Variants in HTR1F observed in about 807,000 individuals in gnomAD.
HTR1F encodes the protein 5-hydroxytryptamine receptor 1F.
In HTR1F, 17 loss-of-function variants were observed where a neutral mutation model predicts 24.0. The observed-to-expected ratio is 0.71, with a 90% CI of 0.48 to 1.06. HTR1F has a LOEUF of 1.06. Among genes scored for constraint, HTR1F ranks in the 50% least tolerant of loss-of-function variants. The pLI, the probability that HTR1F is intolerant of heterozygous loss-of-function variation, is 0.00. For synonymous variants in HTR1F, 186 were observed against 156.8 expected (o/e 1.19, Z -1.39); for missense variants, 391 against 427.8 (o/e 0.91, Z 0.76).
At chr3:87,804,883 C>A (rs1704049213) in intron 1 of HTR1F, among the ~76,000 whole-genome samples, 1 of 151,960 alleles carries the variant, frequency 6.6e-6, no homozygotes, top group South Asian at 2.1e-4. Flanking sequence ...TTGGACATTT[C>A]TTTATATCTT....
At chr3:87,800,760 T>C (rs368591302) in intron 1 of HTR1F, among the ~76,000 whole-genome samples, 1 of 152,194 alleles carries the variant, frequency 6.6e-6, no homozygotes, top group Non-Finnish European at 1.5e-5. Flanking sequence ...TACCCTTGAG[T>C]AGGAGTGATT....
intron 2 of HTR1F, among the ~76,000 whole-genome samples, chr3:87,974,400 G>A (rs1312576970): frequency 6.6e-6 from 1 of 152,082 alleles, no homozygotes; most frequent in Non-Finnish European, 1.5e-5. Flanking sequence ...TCGTACTAAT[G>A]AGTCTATTTC....
At chr3:87,967,393 TGA>T (rs1705188714) in intron 2 of HTR1F, among the ~76,000 whole-genome samples, 1 of 151,720 alleles carries the variant, frequency 6.6e-6, no homozygotes, top group Admixed American at 6.6e-5. Flanking sequence ...GAGGTTACAA[TGA>T]GCTGAGATTG....
chr3:87,833,655 T>G (rs1459080158), intron 2 of HTR1F, among the ~76,000 whole-genome samples: 1 of 152,070 alleles, frequency 6.6e-6, no homozygotes, highest in East Asian at 1.9e-4. Flanking sequence ...GCTAATTTTT[T>G]TAAAATTTTA....
intron 2 of HTR1F, among the ~76,000 whole-genome samples, chr3:87,897,309 A>G (rs1405328718): frequency 1.3e-5 from 2 of 151,030 alleles, no homozygotes; most frequent in African/African-American, 4.9e-5. Flanking sequence ...GATAGACATA[A>G]AAAACATAAT....
intron 2 of HTR1F, among the ~76,000 whole-genome samples, chr3:87,835,902 G>A (rs1159156260): frequency 1.3e-5 from 2 of 152,196 alleles, no homozygotes; most frequent in East Asian, 1.9e-4. Context: ...CTTTTGTTGG[G>A]GCATTTTCAG....
intron 2 of HTR1F, among the ~76,000 whole-genome samples, chr3:87,895,881 AAGAC>A (rs1260109189): frequency 2.0e-5 from 3 of 152,206 alleles, no homozygotes; most frequent in Admixed American, 6.5e-5. Flanking sequence ...GAACCAAAAA[AAGAC>A]AGGCAGGGAG....
At chr3:87,852,182 C>G (rs1476345114) in intron 2 of HTR1F, among the ~76,000 whole-genome samples, 1 of 151,558 alleles carries the variant, frequency 6.6e-6, no homozygotes, top group African/African-American at 2.4e-5. Flanking sequence ...AATGATTACC[C>G]ATAGTTTTTT....
intron 1 of HTR1F, among the ~76,000 whole-genome samples, chr3:87,807,924 A>G (rs1704099273): frequency 6.6e-6 from 1 of 151,944 alleles, no homozygotes; most frequent in Admixed American, 6.6e-5. Context: ...TATATTGTTT[A>G]TTGATTTGCA....
At chr3:87,876,191 T>C (rs1387400042) in intron 2 of HTR1F, among the ~76,000 whole-genome samples, 3 of 152,196 alleles carry the variant, frequency 2.0e-5, no homozygotes, top group Admixed American at 6.5e-5. Context: ...GAAAGCAGTA[T>C]GAACATTCCT....
intron 1 of HTR1F, chr3:87,793,388 TTCCAAC>T (rs1385837939): frequency 1.3e-5 from 2 of 152,038 alleles, no homozygotes; most frequent in African/African-American, 4.8e-5. Context: ...GCTTGCAGTT[TTCCAAC>T]TTTATTTCCC....
At chr3:87,937,927 A>AG (rs1491373986) in intron 2 of HTR1F, among the ~76,000 whole-genome samples, 1 of 119,496 alleles carries the variant, frequency 8.4e-6, no homozygotes, top group Non-Finnish European at 1.8e-5. Context: ...CCATCTCAAA[A>AG]GAAAAAAAAA....
intron 2 of HTR1F, among the ~76,000 whole-genome samples, chr3:87,849,874 C>T (rs1022817183): frequency 7.2e-5 from 11 of 151,864 alleles, no homozygotes; most frequent in African/African-American, 2.7e-4. Context: ...TCATCACTGG[C>T]CATCAGAGAA....
At chr3:87,983,595 C>T (rs570709538) in intron 2 of HTR1F, among the ~76,000 whole-genome samples, 55 of 152,196 alleles carry the variant, frequency 3.6e-4, no homozygotes, top group Non-Finnish European at 6.5e-4. Context: ...CCTATTTTCT[C>T]AGCTTGTTGC....
chr3:87,922,444 T>C (rs1427068521), intron 2 of HTR1F, among the ~76,000 whole-genome samples: 1 of 152,030 alleles, frequency 6.6e-6, no homozygotes, highest in Non-Finnish European at 1.5e-5. Flanking sequence ...TCTGCAAATA[T>C]TTTCTCCCAT....
chr3:87,816,349 A>G (rs1704250356), intron 1 of HTR1F, among the ~76,000 whole-genome samples: 1 of 152,058 alleles, frequency 6.6e-6, no homozygotes, highest in Non-Finnish European at 1.5e-5. Context: ...TCTGTGTTTT[A>G]TAGGATTTGT....
intron 2 of HTR1F, among the ~76,000 whole-genome samples, chr3:87,919,129 C>A (rs1703956643): frequency 1.3e-5 from 2 of 151,974 alleles, no homozygotes; most frequent in Non-Finnish European, 2.9e-5. Context: ...GGAGAAAGGA[C>A]ACCCTTTTCA....
At chr3:87,797,089 G>A (rs373593394) in intron 1 of HTR1F, among the ~76,000 whole-genome samples, 1 of 152,082 alleles carries the variant, frequency 6.6e-6, no homozygotes, top group Admixed American at 6.6e-5. Flanking sequence ...CAAAAATCAT[G>A]TTTTAAATAG....
At chr3:87,802,843 C>T (rs1485425576) in intron 1 of HTR1F, among the ~76,000 whole-genome samples, 3 of 152,180 alleles carry the variant, frequency 2.0e-5, no homozygotes, top group East Asian at 1.9e-4. Context: ...AATAATAAGT[C>T]GCAGATTTGG....
Sources: gnomAD v4.1 joint callset for allele counts (sites outside exome capture counted in the v4.1 genomes callset) on GRCh38, gnomAD v4.1.1 for gene constraint, MANE v1.5 for transcripts, NCBI Gene and HGNC (gene_info 2026-07-23, HGNC 2026-07-21) for gene names.